PIK3R5: variants seen among roughly 807,000 people sequenced by gnomAD.
PIK3R5 encodes the protein phosphoinositide 3-kinase regulatory subunit 5.
Under a neutral mutation model 94.9 loss-of-function variants are expected in PIK3R5, and 32 were observed. That is an observed-to-expected ratio of 0.34 (90% CI 0.25 to 0.45). PIK3R5 has a LOEUF of 0.45. Among genes scored for constraint, PIK3R5 ranks in the 20% least tolerant of loss-of-function variants. PIK3R5 has a pLI of 1.00. For synonymous variants in PIK3R5, 443 were observed against 479.4 expected (o/e 0.92, Z 0.99); for missense variants, 853 against 1,144.6 (o/e 0.75, Z 3.68).
chr17:8,907,953 T>A (rs1219111381), intron 3 of PIK3R5, among the ~76,000 whole-genome samples: 1 of 152,244 alleles, frequency 6.6e-6, no homozygotes, highest in African/African-American at 2.4e-5. Context: ...TTTTGTTTTT[T>A]AGCTAATTTG....
At chr17:8,958,224 T>C (rs764707234) in intron 1 of PIK3R5, among the ~76,000 whole-genome samples, 3 of 151,514 alleles carry the variant, frequency 2.0e-5, no homozygotes, top group Admixed American at 6.6e-5. Flanking sequence ...GCATGAGAAT[T>C]GTTTGAACCT....
chr17:8,885,883 T>A (rs1329618351), intron 14 of PIK3R5, among the ~76,000 whole-genome samples: 1 of 64,132 alleles, frequency 1.6e-5, no homozygotes, highest in East Asian at 4.6e-4. Context: ...TGGCCCTGCC[T>A]CCCGGTAACC....
Position 8,954,060 on chromosome 17 carries a change from AAAAAAAAGAAAAAAAG to A in PIK3R5, c.-14+11520_-14+11535del, listed in dbSNP as rs199628485. ...CCCAGAAAGTGCTCTTTCCTCTGCAAAAAAAAAGAAAAAAAGAAAAAAAGAAAAAAGAAAAAGAAAT... is the reference window on the plus strand; with the variant it reads ...CCCAGAAAGTGCTCTTTCCTCTGCAAAAAAAAAGAAAAAAGAAAAAGAAAT... On this transcript the variant is annotated intron_variant, in intron 1 of 18. Transcript: ENST00000447110. 3.4e-4 allele frequency among the ~76,000 whole-genome samples: 51 copies of A among 151,842 alleles called. 1 individual carries two copies. In the South Asian group the frequency reaches 1.0e-2, roughly 30 times the overall value.
In PIK3R5 at chr17:8,882,189, G is replaced by C. The variant is rs977636476; in HGVS notation, c.2206-308C>G. On this transcript the variant is annotated intron_variant, in intron 15 of 18. Transcript: ENST00000447110. This position sits in a 1 kb window ranked among gnomAD's most constrained non-coding sequence, Gnocchi z 4.1. ...CGGGCCCAGAGTGAAGAAGGGTTGG[G>C]CCCACAGACATGCTGTTTCTGGCAG... is the stretch of plus-strand genomic sequence containing the variant. 2.6e-6 allele frequency: 1 copy of C among 378,900 alleles called. No individual in the cohort carries two copies. The highest frequency in any genetic ancestry group is 4.9e-6 in the Non-Finnish European group (1 of 202,798). The allele number at this position is 378,900 out of a possible 1,614,324, so 23.5% of individuals were successfully genotyped here.
At chr17:8,924,868 A>G (rs1441558580) in intron 1 of PIK3R5, among the ~76,000 whole-genome samples, 2 of 152,238 alleles carry the variant, frequency 1.3e-5, no homozygotes, top group African/African-American at 4.8e-5. Flanking sequence ...TTTATGAAAC[A>G]AACGCTGATG....
chr17:8,923,747 G>A (rs1055121071), intron 1 of PIK3R5, among the ~76,000 whole-genome samples: 6 of 152,200 alleles, frequency 3.9e-5, no homozygotes, highest in South Asian at 2.1e-4. Context: ...ATGTGCACAG[G>A]AGAATAAAGC....
chr17:8,963,600 C>T (rs997230245), intron 1 of PIK3R5, among the ~76,000 whole-genome samples: 2 of 151,536 alleles, frequency 1.3e-5, no homozygotes, highest in African/African-American at 2.4e-5. Flanking sequence ...CGCAGTGAAG[C>T]GATCATAGCT....
Position 8,888,177 on chromosome 17 carries a change from T to G in PIK3R5, c.1610A>C (p.Asn537Thr). Reference sequence around the variant, plus strand: ...TCCGCATTACGGCTCTTACCGAAGGTTGCTGTACGCCCGAGCCACCTTCCC... The same window carrying G: ...TCCGCATTACGGCTCTTACCGAAGGGTGCTGTACGCCCGAGCCACCTTCCC... ...ISGKVARAYS[N>T]LRRLENNRPL... is the part of the protein sequence containing the mutation. Residue 537 changes from asparagine to threonine, a missense_variant, in exon 10 of 19, where the codon AAC becomes ACC. Physicochemically the swap from Asn to Thr is moderately conservative, Grantham distance 65. Transcript: ENST00000447110. This position sits in a 1 kb window ranked among gnomAD's most constrained non-coding sequence, Gnocchi z 7.8. 1 of 1,613,188 alleles carries G rather than the reference T, an allele frequency of 6.2e-7. No homozygotes were observed. Among genetic ancestry groups the G allele is most frequent in the Non-Finnish European group, 8.5e-7 (1 of 1,179,878 alleles).
chr17:8,913,991 T>A (rs2151420039), intron 1 of PIK3R5, among the ~76,000 whole-genome samples: 1 of 152,334 alleles, frequency 6.6e-6, no homozygotes, highest in South Asian at 2.1e-4. Context: ...GGCCTCATCT[T>A]TCTGCCTCCC....
At chr17:8,931,147 A>C (rs73253069) in intron 1 of PIK3R5, among the ~76,000 whole-genome samples, 1 of 152,242 alleles carries the variant, frequency 6.6e-6, no homozygotes, top group Non-Finnish European at 1.5e-5. Context: ...TTGTACAGAT[A>C]AGTTTAAAAT....
chr17:8,904,792 C>A lies in PIK3R5; in HGVS notation c.397G>T (p.Glu133Ter), dbSNP rs1185815041. The A allele has an allele frequency of 6.2e-7, 1 of 1,614,160 alleles. No homozygotes were observed. Among genetic ancestry groups the A allele is most frequent in the Admixed American group, 1.7e-5 (1 of 60,014 alleles). Residue 133 changes from glutamate (E) to a stop codon, truncating the protein, a stop_gained, in exon 5 of 19, where the codon GAA becomes TAA. Coordinates refer to ENST00000447110, the MANE Select transcript of PIK3R5 (RefSeq NM_001142633.3). LOFTEE classifies it high-confidence loss of function. This position sits in a 1 kb window ranked among gnomAD's most constrained non-coding sequence, Gnocchi z 5.1. ...CQELLTFIDA[E>*]LKAPGISYQR... ...CAGTGCTTACCTGGGGCCTTGAGTT[C>A]AGCATCAATGAAGGTGAGCAGCTCC...
At chr17:8,929,305 C>T (rs1021312631) in intron 1 of PIK3R5, among the ~76,000 whole-genome samples, 1 of 151,986 alleles carries the variant, frequency 6.6e-6, no homozygotes, top group Non-Finnish European at 1.5e-5. Flanking sequence ...TTGCTGTCTA[C>T]AAGAAACTCA....
rs751093951 is a variant in PIK3R5 at position 8,890,174 on chromosome 17, C to T, written c.658-48G>A. ...GCTTTGCTCCTGGACCGTGAGCTAG[C>T]TGTCCACCTGTTCCAGTTGCTAGCT... On this transcript the variant is annotated intron_variant, in intron 7 of 18. Coordinates refer to ENST00000447110, the MANE Select transcript of PIK3R5 (RefSeq NM_001142633.3). This position sits in a 1 kb window ranked among gnomAD's most constrained non-coding sequence, Gnocchi z 6.1. 121 of 1,593,272 alleles carry T rather than the reference C, an allele frequency of 7.6e-5. No homozygotes were observed. The highest frequency in any genetic ancestry group is 1.0e-4 in the Non-Finnish European group (116 of 1,165,500).
At chr17:8,949,934 T>G (rs2091346573) in intron 1 of PIK3R5, among the ~76,000 whole-genome samples, 3 of 152,238 alleles carry the variant, frequency 2.0e-5, no homozygotes, top group Admixed American at 6.5e-5. Flanking sequence ...TTAAGTGGAA[T>G]TTTTTAAAGT....
At chr17:8,912,693 G>A (rs1198662936) in intron 1 of PIK3R5, among the ~76,000 whole-genome samples, 2 of 152,226 alleles carry the variant, frequency 1.3e-5, no homozygotes, top group African/African-American at 4.8e-5. Context: ...GAAGCACAGA[G>A]CTCAGAGCTG....
intron 1 of PIK3R5, among the ~76,000 whole-genome samples, chr17:8,953,150 T>C (rs1465519703): frequency 6.6e-6 from 1 of 152,200 alleles, no homozygotes; most frequent in African/African-American, 2.4e-5. Flanking sequence ...TGGTCCAGCA[T>C]TGAGGGCTTG....
At chr17:8,940,331 C>T (rs887999080) in intron 1 of PIK3R5, among the ~76,000 whole-genome samples, 2 of 152,244 alleles carry the variant, frequency 1.3e-5, no homozygotes, top group South Asian at 2.1e-4. Flanking sequence ...GTCTCTCCAC[C>T]GTGGTACATT....
chr17:8,898,960 C>A (rs866482788), intron 5 of PIK3R5, among the ~76,000 whole-genome samples: 1 of 152,340 alleles, frequency 6.6e-6, no homozygotes, highest in Middle Eastern at 3.4e-3. Context: ...AAGGTGCAAT[C>A]CTTGAGGTCT....
rs1597444441 is a variant in PIK3R5 at position 8,963,522 on chromosome 17, T to C, written c.-14+2074A>G. 5.0e-5 allele frequency among the ~76,000 whole-genome samples: 4 copies of C among 79,240 alleles called. No homozygotes were observed. In the Admixed American group the frequency reaches 5.5e-4, roughly 11 times the overall value. The allele number at this position is 79,240 out of a possible 152,430, so 52.0% of individuals were successfully genotyped here. A position where few individuals can be genotyped will look rare whatever the true frequency, so the allele number is the denominator to read the frequency against. ...GCATCCAACCTATTCTTCTTCTTCT[T>C]CTTCTTTTTTTTTTTTTGTTTGTCT... On this transcript the variant is annotated intron_variant, in intron 1 of 18. Coordinates refer to ENST00000447110, the MANE Select transcript of PIK3R5 (RefSeq NM_001142633.3).
Sources: allele counts gnomAD v4.1 joint callset (sites outside exome capture counted in the v4.1 genomes callset), GRCh38; gene constraint gnomAD v4.1.1; non-coding constraint Gnocchi (gnomAD v3.1); transcripts MANE v1.5; gene names NCBI Gene and HGNC (gene_info 2026-07-23, HGNC 2026-07-21).